PIK3CA: variants seen among roughly 807,000 people sequenced by gnomAD.
The protein encoded by PIK3CA is phosphatidylinositol 4,5-bisphosphate 3-kinase catalytic subunit alpha isoform.
Under a neutral mutation model 138.2 loss-of-function variants are expected in PIK3CA, and 27 were observed. The observed-to-expected ratio is 0.20, with a 90% CI of 0.14 to 0.27. PIK3CA has a LOEUF of 0.27. PIK3CA is among the 10% of genes least tolerant of loss of function. PIK3CA has a pLI of 1.00. For synonymous variants in PIK3CA, 358 were observed against 413.2 expected, an observed-to-expected ratio of 0.87 and a Z score of 1.62; for missense variants, 544 against 1,277.4, an observed-to-expected ratio of 0.43 and a Z score of 8.75.
chr3:179,204,632 G>T (rs1321102600), intron 6 of PIK3CA, 44 bp downstream of exon 6: 2 of 945,146 alleles, frequency 2.1e-6, no homozygotes, highest in South Asian at 1.4e-5. Context: ...TTATATTAGT[G>T]TTTAGCAGTA....
chr3:179,187,948 C>G (rs1032841369), intron 1 of PIK3CA, among the ~76,000 whole-genome samples: 2 of 152,124 alleles, frequency 1.3e-5, no homozygotes, highest in Non-Finnish European at 2.9e-5. Context: ...TCATTTAATT[C>G]TTATAACATT....
chr3:179,198,496 A>G (rs1234521590), intron 1 of PIK3CA, among the ~76,000 whole-genome samples: 2 of 152,218 alleles, frequency 1.3e-5, no homozygotes, highest in African/African-American at 4.8e-5. Flanking sequence ...GAATCCACTC[A>G]AATATAGTGT....
At position 179,221,163 on chromosome 3, in the gene PIK3CA, TGA is replaced by T; in HGVS notation, c.2187+7_2187+8del. ...AGAAGGATGAAACACAAAAGGTGTG[TGA>T]CTCTAGTTTGTGTTTGAGACTCTTT... On this transcript the variant is annotated splice_region_variant and intron_variant, in intron 14 of 20. Coordinates refer to ENST00000263967, the MANE Select transcript of PIK3CA (RefSeq NM_006218.4). 6.2e-7 allele frequency: 1 copy of T among 1,609,550 alleles called. No individual in the cohort carries two copies. Among genetic ancestry groups the T allele is most frequent in the South Asian group, 1.1e-5 (1 of 90,964 alleles).
rs1302248717 is a variant in PIK3CA at position 179,230,746 on chromosome 3, C to T, written c.2936+370C>T. 1.3e-5 allele frequency among the ~76,000 whole-genome samples: 2 copies of T among 151,558 alleles called. No homozygotes were observed. The highest frequency in any genetic ancestry group is 2.4e-5 in the African/African-American group (1 of 41,254). ...TCCAACCTGGGCAACAGAGTGAGAC[C>T]CTGTATCAAAATAAATAAAATGAAA... On this transcript the variant is annotated intron_variant, in intron 20 of 20. Coordinates refer to ENST00000263967, the MANE Select transcript of PIK3CA (RefSeq NM_006218.4). The surrounding 1 kb of genome is among the most constrained non-coding windows in gnomAD (Gnocchi z 5.4).
chr3:179,171,778 A>G (rs918144984), intron 1 of PIK3CA, among the ~76,000 whole-genome samples: 2 of 152,160 alleles, frequency 1.3e-5, no homozygotes, highest in Non-Finnish European at 2.9e-5. Context: ...CTGGGCTTTA[A>G]TGGCATAGCT....
intron 1 of PIK3CA, among the ~76,000 whole-genome samples, chr3:179,189,191 G>A (rs915389091): frequency 1.3e-5 from 2 of 151,846 alleles, no homozygotes; most frequent in East Asian, 1.9e-4. Flanking sequence ...TCCAGCCTGC[G>A]TGACACAGCA....
intron 4 of PIK3CA, 146 bp from the exon 5 acceptor site, chr3:179,203,398 G>A: frequency 1.6e-6 from 1 of 606,750 alleles, no homozygotes; most frequent in Non-Finnish European, 2.7e-6. Flanking sequence ...TATTTTAAAT[G>A]TTATAGGAAC....
rs2108429103 is a variant in PIK3CA, at chr3:179,234,134, C to A, written c.2977C>A (p.Gln993Lys). The A allele has an allele frequency of 6.2e-7, 1 of 1,612,510 alleles. No homozygotes were observed. Among genetic ancestry groups the A allele is most frequent in the Non-Finnish European group, 8.5e-7 (1 of 1,178,706 alleles). ...TTACAAGGCTTATCTAGCTATTCGACAGCATGCCAATCTCTTCATAAATCT... is the reference window on the plus strand; with the variant it reads ...TTACAAGGCTTATCTAGCTATTCGAAAGCATGCCAATCTCTTCATAAATCT... Reference protein sequence around the residue: ...MCYKAYLAIRQHANLFINLFS... With the variant: ...MCYKAYLAIRKHANLFINLFS... The change falls in exon 21 of 21, where the codon CAG (glutamine) becomes AAG (lysine). Residue 993 changes from glutamine (Q) to lysine (K), a missense_variant. Around this residue, in one of 14 missense-constraint regions of PIK3CA, gnomAD observed 13 missense variants for 17.3 expected, o/e 0.75. Transcript: ENST00000263967. This position sits in a 1 kb window ranked among gnomAD's most constrained non-coding sequence, Gnocchi z 5.1.
At chr3:179,209,132 G>A (rs1724644229) in intron 6 of PIK3CA, among the ~76,000 whole-genome samples, 2 of 151,398 alleles carry the variant, frequency 1.3e-5, no homozygotes, top group South Asian at 4.1e-4. Flanking sequence ...CAGTCACAAA[G>A]TAAATACCCA....
rs63638663 is a variant in PIK3CA, at chr3:179,189,588, T to TA, written c.-76-9152dup. On this transcript the variant is annotated intron_variant, in intron 1 of 20. Coordinates refer to ENST00000263967, the MANE Select transcript of PIK3CA (RefSeq NM_006218.4). ...CACCTAAGCCTTGATTATTTGTCATTAAAAAAAAAATGTGTTAGCACAGAT... is the reference window on the plus strand; with the variant it reads ...CACCTAAGCCTTGATTATTTGTCATTAAAAAAAAAAATGTGTTAGCACAGAT... Among the ~76,000 whole-genome samples, 897 of 148,526 alleles carry TA rather than the reference T, an allele frequency of 6.0e-3. 13 individuals are homozygous for TA. The highest frequency in any genetic ancestry group is 0.02 in the African/African-American group (833 of 40,832).
chr3:179,166,540 C>T (rs1329438900), intron 1 of PIK3CA, among the ~76,000 whole-genome samples: 1 of 152,208 alleles, frequency 6.6e-6, no homozygotes, highest in Non-Finnish European at 1.5e-5. Context: ...TTGTCTCTCA[C>T]TTTCACATCT....
chr3:179,199,407 A>C (rs1439784904), intron 2 of PIK3CA, among the ~76,000 whole-genome samples: 1 of 152,088 alleles, frequency 6.6e-6, no homozygotes, highest in Non-Finnish European at 1.5e-5. Context: ...GATGACTTAG[A>C]TTTGTTATAT....
At chr3:179,172,281 C>A (rs1238161416) in intron 1 of PIK3CA, among the ~76,000 whole-genome samples, 4 of 152,026 alleles carry the variant, frequency 2.6e-5, no homozygotes, top group Admixed American at 1.3e-4. Context: ...AATCATACTT[C>A]ATGGTGAATG....
chr3:179,162,009 G>C (rs1236370270), intron 1 of PIK3CA, among the ~76,000 whole-genome samples: 1 of 152,054 alleles, frequency 6.6e-6, no homozygotes, highest in Non-Finnish European at 1.5e-5. Flanking sequence ...AACATACTCT[G>C]TGATTGTACG....
At position 179,180,014 on chromosome 3, in the gene PIK3CA, T is replaced by A. The variant is rs1048093061; in HGVS notation, c.-76-18736T>A. 7.9e-5 allele frequency among the ~76,000 whole-genome samples: 12 copies of A among 152,264 alleles called. No homozygotes were observed. In the East Asian group the frequency reaches 1.3e-3, roughly 17 times the overall value. On this transcript the variant is annotated intron_variant, in intron 1 of 20. Coordinates refer to ENST00000263967, the MANE Select transcript of PIK3CA (RefSeq NM_006218.4). Reference sequence around the variant, plus strand: ...AGGGAAAAGATTGATCTAGTAAGATTAGAGCTTGGAGTGTGGGAAAAATAA... The same window carrying A: ...AGGGAAAAGATTGATCTAGTAAGATAAGAGCTTGGAGTGTGGGAAAAATAA...
chr3:179,208,596 T>G (rs1724628039), intron 6 of PIK3CA, among the ~76,000 whole-genome samples: 1 of 151,906 alleles, frequency 6.6e-6, no homozygotes, highest in Non-Finnish European at 1.5e-5. Flanking sequence ...TGTTATAATG[T>G]TTTTTTAAAA....
rs571880217 is a variant in PIK3CA at position 179,236,969 on chromosome 3, AACTG to A, written c.*2609_*2612del. On this transcript the variant is annotated 3_prime_UTR_variant, in exon 21 of 21. Transcript: ENST00000263967. ...CTATCCTTGTCCTTGAATATGGTGT[AACTG>A]ACTATTGGCTCTACAGTTTTATTGG... 5.0e-6 allele frequency: 1 copy of A among 201,138 alleles called. No individual in the cohort carries two copies. The highest frequency in any genetic ancestry group is 1.0e-5 in the Non-Finnish European group (1 of 97,594). 12.5% of individuals were successfully genotyped at this position (201,138 alleles called of 1,614,324 possible).
chr3:179,193,712 C>T (rs577632665), intron 1 of PIK3CA, among the ~76,000 whole-genome samples: 7 of 152,120 alleles, frequency 4.6e-5, no homozygotes, highest in African/African-American at 1.2e-4. Context: ...TAACTTATTT[C>T]GATATGTAGA....
At chr3:179,181,374 C>T (rs897282906) in intron 1 of PIK3CA, among the ~76,000 whole-genome samples, 5 of 151,966 alleles carry the variant, frequency 3.3e-5, no homozygotes, top group Non-Finnish European at 5.9e-5. Context: ...AAAGTGCAGT[C>T]ATAAATACGG....
Sources: allele counts gnomAD v4.1 joint callset (sites outside exome capture counted in the v4.1 genomes callset), GRCh38; gene constraint gnomAD v4.1.1; regional missense constraint gnomAD v4.1.1; non-coding constraint Gnocchi (gnomAD v3.1); transcripts MANE v1.5; gene names NCBI Gene and HGNC (gene_info 2026-07-23, HGNC 2026-07-21).